SANBR: variants seen among roughly 807,000 people sequenced by gnomAD.
The protein encoded by SANBR is SANT and BTB domain regulator of class switch recombination.
A neutral mutation model predicts 101.8 loss-of-function variants in SANBR; 77 were observed. That is an observed-to-expected ratio of 0.76 (90% CI 0.63 to 0.91). SANBR has a LOEUF of 0.91. Ranked by LOEUF, SANBR falls within the 40% of genes least tolerant of loss-of-function variation. The probability of loss-of-function intolerance (pLI) is 0.00; values close to 1 mark genes in which losing one functional copy is unlikely to be tolerated. For synonymous variants in SANBR, 279 were observed against 274.7 expected, an observed-to-expected ratio of 1.02 and a Z score of -0.15; for missense variants, 875 against 853.0, an observed-to-expected ratio of 1.03 and a Z score of -0.32.
chr2:61,112,396 T>C (rs1683872337), intron 16 of SANBR, among the ~76,000 whole-genome samples: 1 of 152,238 alleles, frequency 6.6e-6, no homozygotes, highest in Admixed American at 6.5e-5. Flanking sequence ...TATTATTGAA[T>C]TGTAAGATTT....
intron 17 of SANBR, chr2:61,117,072 T>A: frequency 2.5e-4 from 92 of 369,302 alleles, no homozygotes; most frequent in Middle Eastern, 1.6e-3. Flanking sequence ...AAAAAAAAAA[T>A]TGCATAAGCT....
intron 6 of SANBR, among the ~76,000 whole-genome samples, chr2:61,078,668 C>T (rs1042323012): frequency 6.6e-6 from 1 of 152,006 alleles, no homozygotes; most frequent in Admixed American, 6.6e-5. Context: ...GTGATCTGCC[C>T]GCCTCAGCCT....
chr2:61,129,334 C>G (rs1224128313), intron 20 of SANBR, among the ~76,000 whole-genome samples: 1 of 151,808 alleles, frequency 6.6e-6, no homozygotes, highest in Non-Finnish European at 1.5e-5. Flanking sequence ...ATCCCAGCTA[C>G]TCGGGAGGTT....
intron 7 of SANBR, 144 bp from the exon 8 acceptor site, chr2:61,083,010 A>C (rs1382073690): frequency 1.1e-5 from 7 of 629,112 alleles, no homozygotes; most frequent in Non-Finnish European, 1.7e-5. Context: ...AGTACAGATT[A>C]AGTCAAAAAC....
chr2:61,120,306 T>TC (rs35431464), intron 20 of SANBR, among the ~76,000 whole-genome samples: 17,367 of 152,104 alleles, frequency 0.11, 1,306 homozygotes, highest in Non-Finnish European at 0.16. Context: ...ATCAAGACCA[T>TC]CTGGCCAACA....
intron 5 of SANBR, chr2:61,075,144 A>C (rs1466302806): frequency 1.3e-5 from 2 of 152,258 alleles, no homozygotes; most frequent in African/African-American, 4.8e-5. Context: ...TGAATTAAAC[A>C]CACAATTCAA....
chr2:61,067,272 G>C (rs1681225203), intron 1 of SANBR, among the ~76,000 whole-genome samples: 2 of 152,280 alleles, frequency 1.3e-5, no homozygotes, highest in South Asian at 4.1e-4. Flanking sequence ...AACATGTATA[G>C]CATAAATTAG....
In SANBR at chr2:61,122,638, A is replaced by G. The variant is rs555931529; in HGVS notation, c.*476A>G. On this transcript the variant is annotated 3_prime_UTR_variant, in exon 22 of 22. Transcript: ENST00000402291. ...CGAAATTCCCAATGATGCTAATTTT[A>G]AGTCTGCATGAATATTAAGGAGTGA... The G allele has an allele frequency of 9.1e-6, 9 of 986,902 alleles. No individual in the cohort carries two copies. The South Asian group carries it at 3.7e-4, about 41-fold the overall frequency. 61.1% of individuals were successfully genotyped at this position (986,902 alleles called of 1,614,324 possible). A position where few individuals can be genotyped will look rare whatever the true frequency, so the allele number is the denominator to read the frequency against.
At chr2:61,115,107 G>A (rs1438005436) in intron 16 of SANBR, among the ~76,000 whole-genome samples, 1 of 152,146 alleles carries the variant, frequency 6.6e-6, no homozygotes, top group African/African-American at 2.4e-5. Context: ...AAGAGTTTGT[G>A]TAGGATTTGT....
rs1559140365 is a variant in SANBR, at chr2:61,117,346, C to T, written c.1837-11C>T. The T allele has an allele frequency of 2.5e-6, 4 of 1,610,506 alleles. No individual in the cohort carries two copies. In the East Asian group the frequency reaches 6.7e-5, roughly 27 times the overall value. On this transcript the variant is annotated splice_polypyrimidine_tract_variant and intron_variant, in intron 17 of 21. Transcript: ENST00000402291. ...TCTAATTGGGCCTTAATGTTGTCTA[C>T]TTTTTTTTAGTCAGCTTCTAGAGAT...
intron 8 of SANBR, among the ~76,000 whole-genome samples, chr2:61,084,262 C>CT (rs1259080816): frequency 6.6e-6 from 1 of 152,056 alleles, no homozygotes; most frequent in Non-Finnish European, 1.5e-5. Flanking sequence ...CCAAAATACT[C>CT]TATTTTTAGA....
At chr2:61,098,106 T>C (rs1465765071) in intron 12 of SANBR, among the ~76,000 whole-genome samples, 2 of 93,844 alleles carry the variant, frequency 2.1e-5, no homozygotes, top group African/African-American at 1.5e-4. Context: ...TTTTTGTTTT[T>C]TTGTTTTTTT....
In SANBR at chr2:61,122,204, T is replaced by G; in HGVS notation, c.*42T>G. On this transcript the variant is annotated 3_prime_UTR_variant, in exon 22 of 22. Coordinates refer to ENST00000402291, the MANE Select transcript of SANBR (RefSeq NM_001129993.3). Reference sequence around the variant, plus strand: ...AGTAAAAAGAGAGAAGGCACTCTTCTGGACATCTGAAATTGCTCACTTCTT... The same window carrying G: ...AGTAAAAAGAGAGAAGGCACTCTTCGGGACATCTGAAATTGCTCACTTCTT... The G allele has an allele frequency of 6.6e-7, 1 of 1,526,546 alleles. No individual in the cohort carries two copies. The highest frequency in any genetic ancestry group is 8.8e-7 in the Non-Finnish European group (1 of 1,135,760). 94.6% of individuals were successfully genotyped at this position (1,526,546 alleles called of 1,614,324 possible).
chr2:61,102,165 A>G (rs1014191502), intron 12 of SANBR, among the ~76,000 whole-genome samples: 3 of 151,862 alleles, frequency 2.0e-5, no homozygotes, highest in Admixed American at 6.6e-5. Flanking sequence ...TGAGGTCAAG[A>G]GATCGAGACC....
chr2:61,134,920 C>T (rs1485234576), intron 21 of SANBR, among the ~76,000 whole-genome samples: 6 of 151,964 alleles, frequency 3.9e-5, no homozygotes. Context: ...GGAGTGGTGG[C>T]TCACACCTGT....
rs1682815765 is a variant in SANBR, at chr2:61,092,523, G to A, written c.1148G>A (p.Trp383Ter). The A allele has an allele frequency of 6.2e-7, 1 of 1,606,050 alleles. No homozygotes were observed. The highest frequency in any genetic ancestry group is 1.1e-5 in the South Asian group (1 of 88,720). Residue 383 changes from tryptophan (W) to a stop codon, truncating the protein, a stop_gained, in exon 11 of 22, where the codon TGG (tryptophan) becomes TAG (stop). Coordinates refer to ENST00000402291, the MANE Select transcript of SANBR (RefSeq NM_001129993.3). LOFTEE classifies it high-confidence loss of function. ...LNSLFEELKS[W>*]RDVYWRLWGT... ...AGTCTTTTCGAAGAATTAAAATCTTGGAGAGATGTATACTGGCGATTGTGG... is the reference window on the plus strand; with the variant it reads ...AGTCTTTTCGAAGAATTAAAATCTTAGAGAGATGTATACTGGCGATTGTGG...
At chr2:61,121,758 C>T (rs1684339694) in intron 21 of SANBR, among the ~76,000 whole-genome samples, 1 of 152,066 alleles carries the variant, frequency 6.6e-6, no homozygotes, top group Non-Finnish European at 1.5e-5. Context: ...ATTCTAATTC[C>T]TTATTTATGA....
At position 61,076,932 on chromosome 2, in the gene SANBR, G is replaced by A. The variant is rs1681817707; in HGVS notation, c.444G>A (p.Val148=). 5.6e-6 allele frequency: 9 copies of A among 1,608,724 alleles called. No individual in the cohort carries two copies. The highest frequency in any genetic ancestry group is 7.7e-6 in the Non-Finnish European group (9 of 1,175,462). The part of the protein sequence containing the change: ...MTEESEGPNM[V]IHVCDEAKNL... ...CATTTTTATGAAGGCCAAACATGGTGATCCATGTGTGTGATGAAGCAAAAA... is the reference window on the plus strand; with the variant it reads ...CATTTTTATGAAGGCCAAACATGGTAATCCATGTGTGTGATGAAGCAAAAA... Residue 148 remains valine, a synonymous_variant, in exon 6 of 22, where the codon GTG becomes GTA. Coordinates refer to ENST00000402291, the MANE Select transcript of SANBR (RefSeq NM_001129993.3).
chr2:61,132,966 G>A (rs1206332582), intron 20 of SANBR, among the ~76,000 whole-genome samples: 1 of 152,110 alleles, frequency 6.6e-6, no homozygotes, highest in Non-Finnish European at 1.5e-5. Context: ...AATTGTTAGG[G>A]ACTGGCCAGG....
Sources: allele counts gnomAD v4.1 joint callset (sites outside exome capture counted in the v4.1 genomes callset), GRCh38; gene constraint gnomAD v4.1.1; transcripts MANE v1.5; gene names NCBI Gene and HGNC (gene_info 2026-07-23, HGNC 2026-07-21).